SRGAP1: variants seen among roughly 807,000 people sequenced by gnomAD.
The protein encoded by SRGAP1 is SLIT-ROBO Rho GTPase activating protein 1.
In SRGAP1, 43 loss-of-function variants were observed where a neutral mutation model predicts 121.9. The ratio of observed to expected loss-of-function variants is 0.35; its 90% CI spans 0.28 to 0.46. The LOEUF is 0.46. SRGAP1 is among the 20% of genes least tolerant of loss of function. SRGAP1 has a pLI of 1.00. For missense variants in SRGAP1, 1,102 were observed against 1,350.9 expected, an observed-to-expected ratio of 0.82 and a Z score of 2.89; for synonymous variants, 447 against 485.4, an observed-to-expected ratio of 0.92 and a Z score of 1.04.
chr12:64,023,519 A>T (rs2034594919), intron 4 of SRGAP1, among the ~76,000 whole-genome samples: 1 of 152,210 alleles, frequency 6.6e-6, no homozygotes, highest in Non-Finnish European at 1.5e-5. Flanking sequence ...GCTTTACAGC[A>T]TTACACTCAG....
chr12:63,885,761 G>A (rs1277668256), intron 1 of SRGAP1, among the ~76,000 whole-genome samples: 3 of 152,162 alleles, frequency 2.0e-5, no homozygotes, highest in African/African-American at 7.2e-5. Flanking sequence ...TGCTCCTGAT[G>A]CCTGAAGTGC....
chr12:64,068,841 C>A (rs976090698), intron 8 of SRGAP1, among the ~76,000 whole-genome samples: 2 of 151,560 alleles, frequency 1.3e-5, no homozygotes, highest in African/African-American at 4.8e-5. Flanking sequence ...AAAACGCCGT[C>A]TCTACTAAAA....
chr12:64,059,292 A>G (rs945589597), intron 6 of SRGAP1, among the ~76,000 whole-genome samples: 4 of 152,214 alleles, frequency 2.6e-5, no homozygotes, highest in Non-Finnish European at 5.9e-5. Flanking sequence ...AAGTCTCGGA[A>G]TAATGAAAAT....
intron 15 of SRGAP1, among the ~76,000 whole-genome samples, chr12:64,098,025 T>G (rs1464808721): frequency 6.6e-6 from 1 of 152,164 alleles, no homozygotes; most frequent in Non-Finnish European, 1.5e-5. Flanking sequence ...ACAATCAAGA[T>G]CCATGCATCT....
At chr12:63,847,895 C>G (rs1054323644) in intron 1 of SRGAP1, among the ~76,000 whole-genome samples, 2 of 151,834 alleles carry the variant, frequency 1.3e-5, no homozygotes, top group South Asian at 4.2e-4. Context: ...CCCTGTTACT[C>G]TCTCCCATTT....
At chr12:63,901,482 A>C (rs2029924852) in intron 1 of SRGAP1, among the ~76,000 whole-genome samples, 1 of 152,144 alleles carries the variant, frequency 6.6e-6, no homozygotes, top group African/African-American at 2.4e-5. Context: ...TTGTGCTTTA[A>C]AGCTGAGCAA....
intron 1 of SRGAP1, among the ~76,000 whole-genome samples, chr12:63,870,653 C>A (rs189600347): frequency 6.6e-6 from 1 of 151,024 alleles, no homozygotes; most frequent in Admixed American, 6.6e-5. Flanking sequence ...GATTCTCCTG[C>A]GTCAACCTCC....
At chr12:64,090,308 A>T (rs2036026915) in intron 11 of SRGAP1, among the ~76,000 whole-genome samples, 1 of 152,260 alleles carries the variant, frequency 6.6e-6, no homozygotes, top group Non-Finnish European at 1.5e-5. Context: ...GCAAATGGGC[A>T]GACTGGAGAG....
chr12:64,065,862 A>G (rs1208592038), intron 8 of SRGAP1, among the ~76,000 whole-genome samples: 1 of 152,250 alleles, frequency 6.6e-6, no homozygotes, highest in Admixed American at 6.5e-5. Flanking sequence ...TACTTGAATG[A>G]GGATAGAAAA....
chr12:64,107,037 CAG>C (rs557429631), intron 15 of SRGAP1, among the ~76,000 whole-genome samples: 43 of 152,244 alleles, frequency 2.8e-4, no homozygotes, highest in Middle Eastern at 3.4e-3. Context: ...TAAAAGATGA[CAG>C]AGCTACGGTT....
intron 1 of SRGAP1, among the ~76,000 whole-genome samples, chr12:63,852,602 G>A (rs568025244): frequency 4.9e-4 from 75 of 152,264 alleles, no homozygotes; most frequent in Non-Finnish European, 4.3e-4. Context: ...GGGCTGCCAC[G>A]TATTTAAGAA....
Position 63,975,623 on chromosome 12 carries a change from G to A in SRGAP1, c.68-8324G>A, listed in dbSNP as rs114420198. 5.3e-3 allele frequency among the ~76,000 whole-genome samples: 804 copies of A among 151,932 alleles called. 5 individuals carry two copies. The highest frequency in any genetic ancestry group is 0.018 in the African/African-American group (762 of 41,416). On this transcript the variant is annotated intron_variant, in intron 1 of 21. Transcript: ENST00000355086. ...CTCATAAGATTTCAGAATTTTGTGC[G>A]TGTTTTACACTCACAGCACACTTCT...
intron 1 of SRGAP1, among the ~76,000 whole-genome samples, chr12:63,896,165 G>A (rs1285313120): frequency 1.3e-5 from 2 of 152,080 alleles, no homozygotes; most frequent in Non-Finnish European, 2.9e-5. Context: ...ATGCCATAGA[G>A]TTTTGTGGGG....
chr12:64,022,632 A>G (rs1053304681), intron 4 of SRGAP1, among the ~76,000 whole-genome samples: 13 of 152,196 alleles, frequency 8.5e-5, no homozygotes, highest in African/African-American at 2.9e-4. Context: ...ACAAGGCACA[A>G]GGATATAATG....
At chr12:63,924,372 T>A (rs1472008641) in intron 1 of SRGAP1, among the ~76,000 whole-genome samples, 1 of 152,164 alleles carries the variant, frequency 6.6e-6, no homozygotes, top group Non-Finnish European at 1.5e-5. Context: ...CTAATAGTGC[T>A]CCATTGACCC....
chr12:63,953,885 A>G (rs566636551), intron 1 of SRGAP1, among the ~76,000 whole-genome samples: 1 of 152,334 alleles, frequency 6.6e-6, no homozygotes, highest in East Asian at 1.9e-4. Flanking sequence ...AGAGCTTATC[A>G]TTGGCTTATT....
intron 7 of SRGAP1, 28 bp downstream of exon 7, chr12:64,063,166 T>C (rs1565663521): frequency 4.5e-6 from 7 of 1,557,160 alleles, no homozygotes; most frequent in Non-Finnish European, 6.2e-6. Flanking sequence ...TTTAAAATAA[T>C]GAATTGTCTC....
chr12:63,861,287 CATAT>C (rs368154902), intron 1 of SRGAP1, among the ~76,000 whole-genome samples: 1 of 137,718 alleles, frequency 7.3e-6, no homozygotes, highest in Non-Finnish European at 1.5e-5. Context: ...GGATGGTAGG[CATAT>C]ATATATATAT....
At chr12:64,083,124 AG>A (rs2035877024) in intron 10 of SRGAP1, among the ~76,000 whole-genome samples, 1 of 152,212 alleles carries the variant, frequency 6.6e-6, no homozygotes, top group African/African-American at 2.4e-5. Flanking sequence ...GGAGACCAGG[AG>A]AGTTAATGGC....
Sources: gnomAD v4.1 joint callset for allele counts (sites outside exome capture counted in the v4.1 genomes callset) on GRCh38, gnomAD v4.1.1 for gene constraint, MANE v1.5 for transcripts, NCBI Gene and HGNC (gene_info 2026-07-23, HGNC 2026-07-21) for gene names.